COL11A1: variants seen among roughly 807,000 people sequenced by gnomAD.
COL11A1 encodes collagen alpha-1(XI) chain.
In COL11A1, 74 loss-of-function variants were observed where a neutral mutation model predicts 265.2. The ratio of observed to expected loss-of-function variants is 0.28; its 90% CI spans 0.23 to 0.34. COL11A1 has a LOEUF of 0.34. Among genes scored for constraint, COL11A1 ranks in the 10% least tolerant of loss-of-function variants. The probability of loss-of-function intolerance (pLI) is 1.00; values close to 1 mark genes in which losing one functional copy is unlikely to be tolerated. For synonymous variants in COL11A1, 816 were observed against 727.6 expected (o/e 1.12, Z -1.96); for missense variants, 2,165 against 2,263.6 (o/e 0.96, Z 0.88).
intron 60 of COL11A1, 30 bp downstream of exon 60, chr1:102,888,836 C>T: frequency 6.2e-7 from 1 of 1,611,180 alleles, no homozygotes; most frequent in Non-Finnish European, 8.5e-7. Flanking sequence ...CTTAACCCTA[C>T]CTTATAAGGT....
chr1:102,999,981 G>T (rs761036240), intron 24 of COL11A1, among the ~76,000 whole-genome samples: 2 of 151,654 alleles, frequency 1.3e-5, no homozygotes, highest in African/African-American at 2.4e-5. Flanking sequence ...CTACAGGCTG[G>T]ATATATTCAG....
chr1:102,980,543 A>G (rs541190123), intron 31 of COL11A1, among the ~76,000 whole-genome samples: 1 of 152,124 alleles, frequency 6.6e-6, no homozygotes, highest in Non-Finnish European at 1.5e-5. Flanking sequence ...ATTAAGTGCA[A>G]TAATACGTAA....
chr1:102,933,172 T>G (rs1047858159), intron 46 of COL11A1, among the ~76,000 whole-genome samples: 3 of 148,570 alleles, frequency 2.0e-5, no homozygotes, highest in African/African-American at 2.5e-5. Flanking sequence ...GGTGCTCTGC[T>G]TTTTAGAGTT....
At position 102,969,805 on chromosome 1, in the gene COL11A1, G is replaced by T. The variant is rs932954678; in HGVS notation, c.2862+414C>A. 5.9e-5 allele frequency among the ~76,000 whole-genome samples: 9 copies of T among 152,216 alleles called. No individual in the cohort carries two copies. In the East Asian group the frequency reaches 1.7e-3, roughly 29 times the overall value. On this transcript the variant is annotated intron_variant, in intron 37 of 66. Coordinates refer to ENST00000370096, the MANE Select transcript of COL11A1 (RefSeq NM_001854.4). ...TTTAATCCCTTAGTTCTAGATAAAA[G>T]AATGTGGTATTATGATCATGGCTAT...
intron 4 of COL11A1, among the ~76,000 whole-genome samples, chr1:103,064,889 T>C (rs897806960): frequency 1.3e-5 from 2 of 150,312 alleles, no homozygotes; most frequent in Non-Finnish European, 3.0e-5. Context: ...GAAGGATGAA[T>C]AGGTAGAGAA....
At chr1:102,903,917 C>A (rs1414771783) in intron 54 of COL11A1, among the ~76,000 whole-genome samples, 1 of 152,188 alleles carries the variant, frequency 6.6e-6, no homozygotes, top group East Asian at 1.9e-4. Flanking sequence ...GGCTGGACAG[C>A]AGTGGTGCTA....
At chr1:103,014,064 A>G (rs1394507269) in intron 13 of COL11A1, among the ~76,000 whole-genome samples, 1 of 152,076 alleles carries the variant, frequency 6.6e-6, no homozygotes, top group Non-Finnish European at 1.5e-5. Flanking sequence ...TGCCCAAAAA[A>G]TTTAATTTTC....
rs185926137 is a variant in COL11A1, at chr1:103,089,387, C to A, written c.107-6415G>T. Among the ~76,000 whole-genome samples, 4 of 152,258 alleles carry A rather than the reference C, an allele frequency of 2.6e-5. No homozygotes were observed. The East Asian group carries it at 7.7e-4, about 29-fold the overall frequency. ...CAGTGTCTTGTATTTCCCCTTAGAT[C>A]ACCCTACACTATTTTGTTCGCTTGC... On this transcript the variant is annotated intron_variant, in intron 1 of 66. Transcript: ENST00000370096.
chr1:102,974,976 T>C (rs1330674812), intron 35 of COL11A1, 93 bp from the exon 36 acceptor site: 5 of 892,140 alleles, frequency 5.6e-6, no homozygotes, highest in Non-Finnish European at 9.3e-6. Context: ...CAAAATACAA[T>C]GTATCATACA....
At chr1:103,065,472 A>G (rs999003586) in intron 4 of COL11A1, among the ~76,000 whole-genome samples, 1 of 139,910 alleles carries the variant, frequency 7.1e-6, no homozygotes, top group Non-Finnish European at 1.5e-5. Flanking sequence ...ATGAGCCCAG[A>G]TCGCGCCACT....
intron 1 of COL11A1, among the ~76,000 whole-genome samples, chr1:103,086,784 C>T (rs989101351): frequency 1.3e-5 from 2 of 149,482 alleles, no homozygotes; most frequent in Non-Finnish European, 3.0e-5. Flanking sequence ...CAAGTAGAGA[C>T]ATATAATAAA....
At position 103,017,886 on chromosome 1, in the gene COL11A1, TAGAG is replaced by T; in HGVS notation, c.1351-8_1351-5del. 1.2e-6 allele frequency: 2 copies of T among 1,610,374 alleles called. No individual in the cohort carries two copies. Among genetic ancestry groups the T allele is most frequent in the Non-Finnish European group, 1.7e-6 (2 of 1,176,714 alleles). ...GACCTGGAGGACCCATAATACCCTA[TAGAG>T]AAACACACCATATCTTAATCAGATT... On this transcript the variant is annotated splice_polypyrimidine_tract_variant and splice_region_variant and intron_variant, in intron 10 of 66. Coordinates refer to ENST00000370096, the MANE Select transcript of COL11A1 (RefSeq NM_001854.4).
chr1:103,024,117 T>C (rs1422827663), intron 7 of COL11A1, among the ~76,000 whole-genome samples: 1 of 152,114 alleles, frequency 6.6e-6, no homozygotes, highest in African/African-American at 2.4e-5. Flanking sequence ...TCAAATTAAA[T>C]AACTTATCTT....
chr1:102,932,450 C>G (rs1657586431), intron 46 of COL11A1, among the ~76,000 whole-genome samples: 1 of 152,144 alleles, frequency 6.6e-6, no homozygotes, highest in African/African-American at 2.4e-5. Context: ...AGGGCTTCTG[C>G]CGAGAGATCC....
intron 4 of COL11A1, among the ~76,000 whole-genome samples, chr1:103,071,562 C>T (rs1294867752): frequency 6.2e-5 from 9 of 145,114 alleles, no homozygotes; most frequent in African/African-American, 2.3e-4. Flanking sequence ...CAGGTGTTAC[C>T]TCTGTCTAGA....
At chr1:102,946,602 G>T (rs1439321381) in intron 42 of COL11A1, among the ~76,000 whole-genome samples, 1 of 151,302 alleles carries the variant, frequency 6.6e-6, no homozygotes, top group Non-Finnish European at 1.5e-5. Flanking sequence ...AAAATGAAAA[G>T]CCTTTTACAT....
In COL11A1 at chr1:103,027,903, G is replaced by A. The variant is rs973446088; in HGVS notation, c.781-1571C>T. ...ATTATCTTCTAACTTTCATAATTCT[G>A]TCCTTTATTTAAACTCTCCAAATGT... On this transcript the variant is annotated intron_variant, in intron 5 of 66. Coordinates refer to ENST00000370096, the MANE Select transcript of COL11A1 (RefSeq NM_001854.4). Among the ~76,000 whole-genome samples the A allele has an allele frequency of 7.9e-5, 12 of 152,142 alleles. 1 individual carries two copies. Among genetic ancestry groups the A allele is most frequent in the Middle Eastern group, 6.8e-3 (2 of 294 alleles).
rs2101835789 is a variant in COL11A1 at position 103,003,238 on chromosome 1, T to C, written c.1975A>G (p.Thr659Ala). The C allele has an allele frequency of 6.2e-7, 1 of 1,613,144 alleles. No homozygotes were observed. Among genetic ancestry groups the C allele is most frequent in the Non-Finnish European group, 8.5e-7 (1 of 1,179,778 alleles). Residue 659 changes from threonine to alanine, a missense_variant, in exon 21 of 67, where the codon ACT (threonine) becomes GCT (alanine). Transcript: ENST00000370096. ...GPRGLLGPRGTPGAPGQPGMA... is the reference protein window; with the variant it reads ...GPRGLLGPRGAPGAPGQPGMA... ...ACAGGCTGCCCTGGAGCTCCTGGAG[T>C]TCCCCTTGGACCCAGCAAACCTCGT...
intron 24 of COL11A1, chr1:103,001,282 G>A (rs1665079081): frequency 2.5e-6 from 1 of 396,566 alleles, no homozygotes; most frequent in South Asian, 1.3e-4. Context: ...CTTCGATAAA[G>A]CTATTAGTTT....
Sources: allele counts gnomAD v4.1 joint callset (sites outside exome capture counted in the v4.1 genomes callset), GRCh38; gene constraint gnomAD v4.1.1; transcripts MANE v1.5; gene names NCBI Gene and HGNC (gene_info 2026-07-23, HGNC 2026-07-21).